Variants in NUMB observed in about 807,000 individuals in gnomAD.
NUMB encodes NUMB endocytic adaptor protein, also known as protein numb homolog.
NUMB carries 29 observed loss-of-function variants against 59.7 expected under a neutral mutation model. That is an observed-to-expected ratio of 0.49 (90% confidence interval 0.36 to 0.66). The LOEUF (loss-of-function observed/expected upper bound fraction) is 0.66. NUMB is among the 30% of genes least tolerant of loss of function. NUMB has a pLI of 0.00. For synonymous variants in NUMB, 288 were observed against 288.2 expected (o/e 1.00, Z 0.01); for missense variants, 723 against 822.0 (o/e 0.88, Z 1.47).
intron 1 of NUMB, among the ~76,000 whole-genome samples, chr14:73,411,976 G>A (rs896691771): frequency 7.0e-6 from 1 of 142,000 alleles, no homozygotes; most frequent in African/African-American, 2.6e-5. Context: ...CCAGGCTAGA[G>A]TGCAGTGGTA....
chr14:73,312,060 T>C (rs1234799776), intron 6 of NUMB, among the ~76,000 whole-genome samples: 1 of 152,118 alleles, frequency 6.6e-6, no homozygotes, highest in Non-Finnish European at 1.5e-5. Context: ...TATATTAGTA[T>C]AAAATCACCA....
chr14:73,432,377 T>C lies in NUMB; in HGVS notation c.-232-22309A>G, dbSNP rs532486706. Among the ~76,000 whole-genome samples the C allele has an allele frequency of 8.9e-4, 136 of 152,126 alleles. 1 individual carries two copies. The highest frequency in any genetic ancestry group is 1.7e-3 in the Non-Finnish European group (113 of 67,994). On this transcript the variant is annotated intron_variant, in intron 1 of 12. Transcript: ENST00000555238. ...GGCTCACATGTATATAGAGATAAGATACATGACTTAAGATCCTCATTGAAA... is the reference window on the plus strand; with the variant it reads ...GGCTCACATGTATATAGAGATAAGACACATGACTTAAGATCCTCATTGAAA...
chr14:73,378,418 G>GAA (rs1389093443), intron 2 of NUMB, among the ~76,000 whole-genome samples: 1 of 152,132 alleles, frequency 6.6e-6, no homozygotes, highest in Non-Finnish European at 1.5e-5. Flanking sequence ...CAAATGAGTG[G>GAA]AAAACTTATG....
chr14:73,293,981 T>C (rs1265147523), intron 7 of NUMB, among the ~76,000 whole-genome samples: 1 of 152,238 alleles, frequency 6.6e-6, no homozygotes, highest in Non-Finnish European at 1.5e-5. Flanking sequence ...CTGAGTCATC[T>C]TGAAGTTAGG....
intron 4 of NUMB, among the ~76,000 whole-genome samples, chr14:73,333,714 C>T (rs953923490): frequency 1.3e-5 from 2 of 151,982 alleles, no homozygotes; most frequent in African/African-American, 4.8e-5. Flanking sequence ...CTTTGATGCA[C>T]AGTAGTTCCT....
intron 3 of NUMB, among the ~76,000 whole-genome samples, chr14:73,358,945 C>T (rs1340366965): frequency 6.6e-6 from 1 of 152,064 alleles, no homozygotes; most frequent in Non-Finnish European, 1.5e-5. Flanking sequence ...TGTAATAGTC[C>T]AACCTCCCAC....
At chr14:73,380,450 G>A (rs1895176080) in intron 2 of NUMB, among the ~76,000 whole-genome samples, 1 of 152,148 alleles carries the variant, frequency 6.6e-6, no homozygotes, top group Non-Finnish European at 1.5e-5. Context: ...ATAGTTACAT[G>A]TCACACTAAA....
chr14:73,411,847 T>G (rs1375692384), intron 1 of NUMB, among the ~76,000 whole-genome samples: 2 of 152,120 alleles, frequency 1.3e-5, no homozygotes. Flanking sequence ...ACATGCATGT[T>G]TTAGAAGCAA....
chr14:73,282,545 G>T, intron 10 of NUMB, 40 bp from the exon 11 acceptor site: 2 of 1,598,146 alleles, frequency 1.3e-6, no homozygotes. Flanking sequence ...CAGAAAAATG[G>T]AATAATCCTG....
chr14:73,371,036 T>C (rs780025391), intron 2 of NUMB, among the ~76,000 whole-genome samples: 56 of 7,226 alleles, frequency 7.7e-3, no homozygotes, highest in Non-Finnish European at 0.01. Context: ...TGGACTCCCA[T>C]TCTCGGCCTC....
chr14:73,414,721 CG>C (rs958637106), intron 1 of NUMB, among the ~76,000 whole-genome samples: 5 of 147,422 alleles, frequency 3.4e-5, no homozygotes, highest in South Asian at 2.3e-4. Flanking sequence ...GGGGCGGGTG[CG>C]GGGGGGGCGG....
At chr14:73,277,856 G>A (rs1379910466) in intron 12 of NUMB, among the ~76,000 whole-genome samples, 3 of 151,860 alleles carry the variant, frequency 2.0e-5, no homozygotes, top group Admixed American at 6.6e-5. Context: ...TCAAGAGATC[G>A]AGACTATCCT....
intron 3 of NUMB, among the ~76,000 whole-genome samples, chr14:73,364,362 G>A (rs543890762): frequency 1.3e-5 from 2 of 151,938 alleles, no homozygotes; most frequent in African/African-American, 2.4e-5. Context: ...AAATTAGCCA[G>A]GCATGGTGAT....
intron 3 of NUMB, 126 bp downstream of exon 3, chr14:73,366,771 A>T (rs1242964056): frequency 6.6e-6 from 1 of 152,242 alleles, no homozygotes; most frequent in Non-Finnish European, 1.5e-5. Context: ...CAGCATTAAA[A>T]ATATTATCAG....
chr14:73,328,258 G>A (rs1255619506), intron 4 of NUMB, among the ~76,000 whole-genome samples: 1 of 143,754 alleles, frequency 7.0e-6, no homozygotes, highest in Non-Finnish European at 1.5e-5. Flanking sequence ...CTGGGAGACA[G>A]AGCAAGACTC....
intron 10 of NUMB, among the ~76,000 whole-genome samples, chr14:73,282,713 C>A (rs1052021148): frequency 2.6e-5 from 4 of 152,190 alleles, no homozygotes; most frequent in Non-Finnish European, 5.9e-5. Flanking sequence ...TATAAAATGT[C>A]AACAATTAAT....
chr14:73,430,500 G>A (rs945706098), intron 1 of NUMB, among the ~76,000 whole-genome samples: 1 of 152,000 alleles, frequency 6.6e-6, no homozygotes, highest in East Asian at 1.9e-4. Context: ...CGGGTGTGGT[G>A]GTACATGCCT....
intron 4 of NUMB, among the ~76,000 whole-genome samples, chr14:73,352,258 C>T (rs1035004669): frequency 1.3e-5 from 2 of 150,988 alleles, no homozygotes; most frequent in Non-Finnish European, 3.0e-5. Flanking sequence ...GCTCTATTCA[C>T]CTTTTCATGT....
intron 2 of NUMB, among the ~76,000 whole-genome samples, chr14:73,390,265 A>T (rs1214808171): frequency 6.6e-6 from 1 of 152,206 alleles, no homozygotes; most frequent in Non-Finnish European, 1.5e-5. Flanking sequence ...TGACTTTTAA[A>T]ATTATTAAGT....
Sources: allele counts gnomAD v4.1 joint callset (sites outside exome capture counted in the v4.1 genomes callset), GRCh38; gene constraint gnomAD v4.1.1; transcripts MANE v1.5; gene names NCBI Gene and HGNC (gene_info 2026-07-23, HGNC 2026-07-21).